The following CCDC7 variants were observed in gnomAD, a reference collection of about 807,000 sequenced individuals.
The protein encoded by CCDC7 is coiled-coil domain containing 7, also known as coiled-coil domain-containing protein 7.
CCDC7 carries 183 observed loss-of-function variants against 196.9 expected under a neutral mutation model. The observed-to-expected ratio is 0.93, with a 90% CI of 0.82 to 1.05. The LOEUF (loss-of-function observed/expected upper bound fraction) is 1.05, where lower values mean the gene tolerates loss of function less well. Ranked by LOEUF, CCDC7 falls within the 50% of genes least tolerant of loss-of-function variation. CCDC7 has a pLI of 0.00. For missense variants in CCDC7, 1,540 were observed against 1,482.2 expected (o/e 1.04, Z -0.64); for synonymous variants, 525 against 484.6 (o/e 1.08, Z -1.10).
rs148351932 is a variant in CCDC7, at chr10:32,798,047, G to A, written c.3014-6968G>A. On this transcript the variant is annotated intron_variant, in intron 29 of 41. Transcript: ENST00000639629. ...ATACCTTGGTCAGAGGCAATACTAC[G>A]TGGAATACCATGATGGTGGATAAAG... Among the ~76,000 whole-genome samples, 1,013 of 152,312 alleles carry A rather than the reference G, an allele frequency of 6.7e-3. 8 individuals carry two copies. The highest frequency in any genetic ancestry group is 0.022 in the African/African-American group (903 of 41,570).
At chr10:32,779,157 G>A in intron 29 of CCDC7, 73 bp downstream of exon 30, 1 of 1,134,698 alleles carries the variant, frequency 8.8e-7, no homozygotes, top group Non-Finnish European at 1.2e-6. Flanking sequence ...GTATAGTTCT[G>A]TTAAAAAACA....
chr10:32,860,421 A>C (rs946613611), intron 41 of CCDC7, among the ~76,000 whole-genome samples: 31 of 152,216 alleles, frequency 2.0e-4, no homozygotes, highest in African/African-American at 6.8e-4. Flanking sequence ...TGTCAAAATA[A>C]TAAGAGCTAT....
chr10:32,729,756 T>C (rs1350777438), intron 28 of CCDC7, among the ~76,000 whole-genome samples: 1 of 152,148 alleles, frequency 6.6e-6, no homozygotes, highest in Non-Finnish European at 1.5e-5. Context: ...TCTTCAAAAC[T>C]TTATATTCTT....
At chr10:32,542,065 C>T (rs1372987503) in intron 11 of CCDC7, among the ~76,000 whole-genome samples, 2 of 152,142 alleles carry the variant, frequency 1.3e-5, no homozygotes, top group Non-Finnish European at 1.5e-5. Context: ...CCTTTTGTTT[C>T]TGCTCTGTGA....
chr10:32,866,857 T>A (rs1321886245), intron 41 of CCDC7, among the ~76,000 whole-genome samples: 1 of 151,596 alleles, frequency 6.6e-6, no homozygotes, highest in Non-Finnish European at 1.5e-5. Context: ...AGAAACATAA[T>A]AGACACCATT....
intron 41 of CCDC7, among the ~76,000 whole-genome samples, chr10:32,869,476 C>G (rs1322131713): frequency 6.6e-6 from 1 of 152,000 alleles, no homozygotes; most frequent in African/African-American, 2.4e-5. Flanking sequence ...CCCTTTGTCA[C>G]ATGAGTAGAT....
At chr10:32,617,484 G>T (rs917683586) in intron 18 of CCDC7, among the ~76,000 whole-genome samples, 21 of 151,236 alleles carry the variant, frequency 1.4e-4, no homozygotes, top group Non-Finnish European at 2.5e-4. Flanking sequence ...GGTATGTTGT[G>T]TTTTCATTTT....
intron 24 of CCDC7, among the ~76,000 whole-genome samples, chr10:32,705,683 A>G (rs1452396689): frequency 6.6e-6 from 1 of 152,170 alleles, no homozygotes; most frequent in Non-Finnish European, 1.5e-5. Context: ...TCTCTGTTAA[A>G]ACAGACTTTA....
At chr10:32,811,783 T>G (rs1259050257) in intron 30 of CCDC7, among the ~76,000 whole-genome samples, 1 of 151,952 alleles carries the variant, frequency 6.6e-6, no homozygotes, top group Non-Finnish European at 1.5e-5. Context: ...AAAGTACAAG[T>G]CAATATCTCT....
intron 8 of CCDC7, among the ~76,000 whole-genome samples, chr10:32,491,061 G>A (rs1468299334): frequency 6.6e-6 from 1 of 151,952 alleles, no homozygotes; most frequent in Non-Finnish European, 1.5e-5. Flanking sequence ...TTTGCTTAGG[G>A]TGTTTACTTT....
At chr10:32,599,058 TGTCA>T (rs1177395272) in intron 18 of CCDC7, among the ~76,000 whole-genome samples, 1 of 151,946 alleles carries the variant, frequency 6.6e-6, no homozygotes, top group African/African-American at 2.4e-5. Context: ...CCTTCAATTG[TGTCA>T]GTGTTTGGTT....
At chr10:32,498,152 C>T (rs2043205918) in intron 9 of CCDC7, among the ~76,000 whole-genome samples, 2 of 151,934 alleles carry the variant, frequency 1.3e-5, no homozygotes, top group African/African-American at 4.8e-5. Flanking sequence ...ATGTAATGCC[C>T]TTTTCTCTTT....
intron 29 of CCDC7, among the ~76,000 whole-genome samples, chr10:32,789,559 T>TAA (rs760444597): frequency 6.1e-5 from 8 of 131,740 alleles, no homozygotes; most frequent in Admixed American, 3.1e-4. Context: ...AATAAAAAAG[T>TAA]AAAAAAAAAA....
At chr10:32,509,989 T>C (rs546956578) in intron 9 of CCDC7, among the ~76,000 whole-genome samples, 6 of 152,198 alleles carry the variant, frequency 3.9e-5, no homozygotes, top group African/African-American at 1.2e-4. Context: ...TGCATAAAAA[T>C]TTAAAATAGA....
intron 41 of CCDC7, among the ~76,000 whole-genome samples, chr10:32,868,030 T>A (rs2094270323): frequency 6.6e-6 from 1 of 151,986 alleles, no homozygotes; most frequent in African/African-American, 2.4e-5. Context: ...TATTTCTTTG[T>A]GGCTGGCTTA....
At chr10:32,683,002 G>A (rs1211841125) in intron 21 of CCDC7, among the ~76,000 whole-genome samples, 6 of 152,070 alleles carry the variant, frequency 3.9e-5, no homozygotes, top group African/African-American at 1.2e-4. Flanking sequence ...AGTTTAATTA[G>A]ATCCTATTTG....
At chr10:32,594,478 A>G (rs2060109133) in intron 18 of CCDC7, among the ~76,000 whole-genome samples, 2 of 152,190 alleles carry the variant, frequency 1.3e-5, no homozygotes, top group Non-Finnish European at 1.5e-5. Flanking sequence ...CTAAATATAC[A>G]ATCATGTCAT....
exon 28 of CCDC7, chr10:32,729,338 C>A: frequency 6.4e-7 from 1 of 1,556,476 alleles, no homozygotes; most frequent in Admixed American, 2.0e-5. Flanking sequence ...TTAGCGTTTC[C>A]TTTAGAAATC....
intron 18 of CCDC7, among the ~76,000 whole-genome samples, chr10:32,616,118 G>C (rs1034349971): frequency 6.6e-6 from 1 of 151,740 alleles, no homozygotes. Context: ...GTTCTTTTTT[G>C]CTTAAGATTG....
Sources: gnomAD v4.1 joint callset for allele counts (sites outside exome capture counted in the v4.1 genomes callset) on GRCh38, gnomAD v4.1.1 for gene constraint, MANE v1.5 for transcripts, NCBI Gene and HGNC (gene_info 2026-07-23, HGNC 2026-07-21) for gene names.